Variants in MOXD1 observed in about 807,000 individuals in gnomAD.
MOXD1 encodes the protein monooxygenase DBH like 1.
MOXD1 carries 62 observed loss-of-function variants against 66.6 expected under a neutral mutation model. The observed-to-expected ratio is 0.93, with a 90% CI of 0.76 to 1.15. The LOEUF is 1.15. Among genes scored for constraint, MOXD1 ranks in the 50% most tolerant of loss-of-function variants. The pLI, the probability that MOXD1 is intolerant of heterozygous loss-of-function variation, is 0.00. For synonymous variants in MOXD1, 303 were observed against 281.9 expected (o/e 1.07, Z -0.75); for missense variants, 847 against 754.6 (o/e 1.12, Z -1.44).
At chr6:132,387,230 C>T (rs1776669156) in intron 1 of MOXD1, among the ~76,000 whole-genome samples, 2 of 151,320 alleles carry the variant, frequency 1.3e-5, no homozygotes, top group African/African-American at 4.8e-5. Context: ...TGTTTGGCAG[C>T]CACATTGTAT....
chr6:132,353,205 A>ATTTTTTG (rs1284717809), intron 4 of MOXD1, among the ~76,000 whole-genome samples: 8 of 151,714 alleles, frequency 5.3e-5, no homozygotes, highest in Admixed American at 5.3e-4. Context: ...TGTACCTTGG[A>ATTTTTTG]TTTTTTGTTT....
At chr6:132,381,148 C>T (rs111337032) in intron 1 of MOXD1, among the ~76,000 whole-genome samples, 6 of 152,286 alleles carry the variant, frequency 3.9e-5, no homozygotes, top group African/African-American at 1.4e-4. Context: ...TCATGAAATA[C>T]ATGCATATAT....
chr6:132,319,476 T>C lies in MOXD1; in HGVS notation c.1365+1153A>G, dbSNP rs542935451. Among the ~76,000 whole-genome samples the C allele has an allele frequency of 2.9e-3, 446 of 152,202 alleles. 1 individual carries two copies. Among genetic ancestry groups the C allele is most frequent in the African/African-American group, 0.01 (431 of 41,578 alleles). On this transcript the variant is annotated intron_variant, in intron 9 of 11. Coordinates refer to ENST00000367963, the MANE Select transcript of MOXD1 (RefSeq NM_015529.4). The stretch of plus-strand genomic sequence containing the variant: ...CACAGAGATCAAACACATCTAGTGT[T>C]AGATTTTATTTCTGTTTAATTTTTA...
At chr6:132,385,283 T>G (rs1776602362) in intron 1 of MOXD1, among the ~76,000 whole-genome samples, 1 of 152,012 alleles carries the variant, frequency 6.6e-6, no homozygotes, top group Admixed American at 6.6e-5. Flanking sequence ...GTCAAAGTAA[T>G]GTACCACCAG....
intron 1 of MOXD1, among the ~76,000 whole-genome samples, chr6:132,385,461 A>AATTATT (rs71030795): frequency 0.098 from 13,135 of 133,464 alleles, 656 homozygotes; most frequent in South Asian, 0.14. Context: ...AATATACTGA[A>AATTATT]ATTATTATTA....
At chr6:132,303,825 GTGTGTGTGTGTATATATATATATATA>G (rs1774614951) in intron 10 of MOXD1, among the ~76,000 whole-genome samples, 2 of 96,838 alleles carry the variant, frequency 2.1e-5, no homozygotes, top group East Asian at 8.7e-4. Flanking sequence ...GTGTGTGTGT[GTGTGTGTGTGTATATATATATATATA>G]TATATATATA....
intron 4 of MOXD1, among the ~76,000 whole-genome samples, chr6:132,340,018 C>A (rs1035550060): frequency 1.3e-5 from 2 of 152,014 alleles, no homozygotes; most frequent in African/African-American, 4.8e-5. Context: ...TACAGGCATG[C>A]ACCACCACAC....
chr6:132,344,066 A>C lies in MOXD1; in HGVS notation c.664-15472T>G, dbSNP rs9493291. ...GGTATTGATTTCATATGTATAGACAATTTCAGAAAAATACAAGAAAACATT... is the reference window on the plus strand; with the variant it reads ...GGTATTGATTTCATATGTATAGACACTTTCAGAAAAATACAAGAAAACATT... On this transcript the variant is annotated intron_variant, in intron 4 of 11. Transcript: ENST00000367963. Among the ~76,000 whole-genome samples, 1,487 of 152,352 alleles carry C rather than the reference A, an allele frequency of 9.8e-3. 32 individuals carry two copies. The highest frequency in any genetic ancestry group is 0.034 in the African/African-American group (1,418 of 41,580).
At chr6:132,397,652 AAGAAAGAAAG>A (rs1562303297) in intron 1 of MOXD1, among the ~76,000 whole-genome samples, 1 of 119,004 alleles carries the variant, frequency 8.4e-6, no homozygotes, top group Non-Finnish European at 1.8e-5. Flanking sequence ...GAAAGAAAGA[AAGAAAGAAAG>A]AAAGAAAGAA....
At chr6:132,303,455 T>G (rs564663300) in intron 10 of MOXD1, among the ~76,000 whole-genome samples, 1 of 152,144 alleles carries the variant, frequency 6.6e-6, no homozygotes, top group East Asian at 1.9e-4. Flanking sequence ...GGTGTAGTAG[T>G]TACATATAAC....
intron 1 of MOXD1, among the ~76,000 whole-genome samples, chr6:132,385,472 T>TTAA: frequency 7.4e-6 from 1 of 134,360 alleles, no homozygotes; most frequent in Non-Finnish European, 1.6e-5. Context: ...ATTATTATTA[T>TTAA]TATTATTATT....
intron 4 of MOXD1, among the ~76,000 whole-genome samples, chr6:132,360,644 G>T (rs1416280692): frequency 6.6e-6 from 1 of 152,104 alleles, no homozygotes; most frequent in Non-Finnish European, 1.5e-5. Context: ...AGCTTGACAT[G>T]AATGTTCATT....
intron 1 of MOXD1, among the ~76,000 whole-genome samples, chr6:132,383,515 C>T (rs550617255): frequency 1.8e-4 from 27 of 152,156 alleles, no homozygotes; most frequent in Non-Finnish European, 2.1e-4. Flanking sequence ...ACCTGAGCAA[C>T]CTGTTTGTTC....
chr6:132,348,489 T>C (rs1426485668), intron 4 of MOXD1, among the ~76,000 whole-genome samples: 2 of 152,204 alleles, frequency 1.3e-5, no homozygotes, highest in Non-Finnish European at 2.9e-5. Context: ...TTTGTTTTTT[T>C]CCCTAAACTT....
At position 132,312,324 on chromosome 6, in the gene MOXD1, T is replaced by C. The variant is rs77370334; in HGVS notation, c.1508+3311A>G. On this transcript the variant is annotated intron_variant, in intron 10 of 11. Coordinates refer to ENST00000367963, the MANE Select transcript of MOXD1 (RefSeq NM_015529.4). ...ACAGAATAGAAGAGTTTTGTTCATA[T>C]GTTATATGATATTCCTTTTTAGTAT... is the stretch of plus-strand genomic sequence containing the variant. Among the ~76,000 whole-genome samples the C allele has an allele frequency of 5.6e-3, 849 of 152,314 alleles. 14 individuals are homozygous for C. The highest frequency in any genetic ancestry group is 0.019 in the African/African-American group (809 of 41,588).
intron 4 of MOXD1, among the ~76,000 whole-genome samples, chr6:132,333,075 G>A (rs998867677): frequency 9.2e-5 from 14 of 152,090 alleles, no homozygotes; most frequent in African/African-American, 1.9e-4. Context: ...TGTGGCTCAC[G>A]CCTGTAATCC....
chr6:132,373,918 T>G (rs1776320491), intron 2 of MOXD1, among the ~76,000 whole-genome samples: 1 of 152,236 alleles, frequency 6.6e-6, no homozygotes, highest in African/African-American at 2.4e-5. Flanking sequence ...TCTCTTTGCA[T>G]GCATTTTTTC....
chr6:132,305,233 C>T (rs1774661540), intron 10 of MOXD1, among the ~76,000 whole-genome samples: 1 of 152,258 alleles, frequency 6.6e-6, no homozygotes, highest in African/African-American at 2.4e-5. Context: ...CAGCCCAACA[C>T]ACTGGCTGTG....
intron 4 of MOXD1, among the ~76,000 whole-genome samples, chr6:132,338,489 A>T (rs1488091861): frequency 6.6e-6 from 1 of 152,190 alleles, no homozygotes; most frequent in Non-Finnish European, 1.5e-5. Context: ...CCTTGCCCAG[A>T]TGGGACATGT....
Sources: allele counts gnomAD v4.1 joint callset (sites outside exome capture counted in the v4.1 genomes callset), GRCh38; gene constraint gnomAD v4.1.1; transcripts MANE v1.5; gene names NCBI Gene and HGNC (gene_info 2026-07-23, HGNC 2026-07-21).